Variants in USP42 observed in about 807,000 individuals in gnomAD.
USP42 encodes the protein ubiquitin specific peptidase 42.
USP42 carries 23 observed loss-of-function variants against 113.0 expected under a neutral mutation model. That is an observed-to-expected ratio of 0.20 (90% confidence interval 0.15 to 0.29). The LOEUF (loss-of-function observed/expected upper bound fraction) is 0.29. Among genes scored for constraint, USP42 ranks in the 10% least tolerant of loss-of-function variants. The pLI is 1.00. For missense variants in USP42, 2,174 were observed against 1,779.8 expected (o/e 1.22, Z -3.99); for synonymous variants, 933 against 699.0 (o/e 1.33, Z -5.28).
chr7:6,095,225 G>A, the USP42 span, among the ~76,000 whole-genome samples: 1 of 151,308 alleles, frequency 6.6e-6, no homozygotes, highest in African/African-American at 2.5e-5. Flanking sequence ...TGAGGGATGT[G>A]GGTCAGGACC....
intron 1 of USP42, among the ~76,000 whole-genome samples, chr7:6,109,349 T>C (rs549684939): frequency 2.9e-4 from 44 of 152,306 alleles, no homozygotes; most frequent in African/African-American, 1.0e-3. Context: ...GATGTTGTGC[T>C]GTGGGCAGTT....
chr7:6,136,523 A>G (rs1057456152), intron 4 of USP42, among the ~76,000 whole-genome samples: 2 of 152,206 alleles, frequency 1.3e-5, no homozygotes, highest in African/African-American at 4.8e-5. Flanking sequence ...TTAAAAATCA[A>G]TATGTTAAAA....
upstream of USP42, among the ~76,000 whole-genome samples, chr7:6,104,044 T>C (rs1016346228): frequency 1.4e-4 from 21 of 151,070 alleles, no homozygotes; most frequent in Non-Finnish European, 2.2e-4. Context: ...GGTCGTGAAA[T>C]TGCACTCCAG....
At chr7:6,152,246 G>C (rs1482823106) in intron 14 of USP42, among the ~76,000 whole-genome samples, 1 of 152,190 alleles carries the variant, frequency 6.6e-6, no homozygotes, top group African/African-American at 2.4e-5. Flanking sequence ...CACCATACTC[G>C]GTGCCAGGCG....
chr7:6,119,634 A>C (rs2128484634), intron 3 of USP42, among the ~76,000 whole-genome samples: 1 of 152,290 alleles, frequency 6.6e-6, no homozygotes, highest in East Asian at 1.9e-4. Flanking sequence ...TTGACACCTA[A>C]ACAGTATTAT....
chr7:6,147,523 A>G (rs1286851862), intron 11 of USP42, among the ~76,000 whole-genome samples: 1 of 152,234 alleles, frequency 6.6e-6, no homozygotes, highest in Non-Finnish European at 1.5e-5. Flanking sequence ...AGTTTAAAGA[A>G]CGTCATTTAC....
intron 3 of USP42, among the ~76,000 whole-genome samples, chr7:6,126,506 C>T (rs1011610518): frequency 2.6e-5 from 4 of 152,126 alleles, no homozygotes; most frequent in Non-Finnish European, 4.4e-5. Context: ...AGGATGGTCT[C>T]TATCTCCTGA....
intron 3 of USP42, among the ~76,000 whole-genome samples, chr7:6,129,589 G>C (rs891682616): frequency 6.7e-6 from 1 of 150,136 alleles, no homozygotes; most frequent in African/African-American, 2.4e-5. Context: ...GACGAGGCGC[G>C]GTGGCTCATG....
intron 3 of USP42, among the ~76,000 whole-genome samples, chr7:6,124,550 C>T (rs1393825019): frequency 6.6e-6 from 1 of 152,148 alleles, no homozygotes; most frequent in East Asian, 1.9e-4. Flanking sequence ...AGGAGTGAGC[C>T]CCCGTGCCCA....
At chr7:6,143,689 C>T (rs891252173) in intron 8 of USP42, among the ~76,000 whole-genome samples, 2 of 151,692 alleles carry the variant, frequency 1.3e-5, no homozygotes, top group African/African-American at 4.8e-5. Context: ...CTGGTTAGGG[C>T]TCTCTTTTCA....
Position 6,150,328 on chromosome 7 carries a change from C to G in USP42, c.2106+26C>G, listed in dbSNP as rs898272188. 1.9e-6 allele frequency: 3 copies of G among 1,611,270 alleles called. No homozygotes were observed. In the African/African-American group the frequency reaches 4.0e-5, roughly 22 times the overall value. On this transcript the variant is annotated intron_variant, in intron 13 of 17. Transcript: ENST00000306177. ...GTGAGTGCACGTCAGGGTCTTCAGC[C>G]TCGTTTGTGGCGGTTCCCTTGGCTG... is the stretch of plus-strand genomic sequence containing the variant.
intron 3 of USP42, among the ~76,000 whole-genome samples, chr7:6,133,216 G>A (rs181496799): frequency 1.3e-5 from 2 of 152,266 alleles, no homozygotes; most frequent in East Asian, 1.9e-4. Flanking sequence ...GTCAGGGTAC[G>A]AAACCATGCC....
At chr7:6,124,755 C>G (rs1415146831) in intron 3 of USP42, among the ~76,000 whole-genome samples, 1 of 151,738 alleles carries the variant, frequency 6.6e-6, no homozygotes, top group Non-Finnish European at 1.5e-5. Flanking sequence ...CTTTTAAAAT[C>G]TTTTTCCTGC....
In USP42 at chr7:6,159,738, G is replaced by A. The variant is rs191739123; in HGVS notation, c.*36+245G>A. Among the ~76,000 whole-genome samples, 121 of 152,366 alleles carry A rather than the reference G, an allele frequency of 7.9e-4. No individual in the cohort carries two copies. The highest frequency in any genetic ancestry group is 2.8e-3 in the African/African-American group (115 of 41,594). Reference sequence around the variant, plus strand: ...GGGAAGACCCGCATCCTTCACGCAGGCAGAGTCGCCCTGTTCCCTTGTGCC... The same window carrying A: ...GGGAAGACCCGCATCCTTCACGCAGACAGAGTCGCCCTGTTCCCTTGTGCC... On this transcript the variant is annotated intron_variant, in intron 17 of 17. Transcript: ENST00000306177. The surrounding 1 kb of genome is among the most constrained non-coding windows in gnomAD (Gnocchi z 4.1).
chr7:6,117,622 C>A lies in USP42; in HGVS notation c.442+2099C>A, dbSNP rs1194728744. Among the ~76,000 whole-genome samples, 3 of 152,196 alleles carry A rather than the reference C, an allele frequency of 2.0e-5. No individual in the cohort carries two copies. In the East Asian group the frequency reaches 5.8e-4, roughly 29 times the overall value. ...TTTAACATTTTAAGAGACTTCCAGA[C>A]TTTCCAGAAGGGATTGCAGTGTTTT... On this transcript the variant is annotated intron_variant, in intron 3 of 17. Transcript: ENST00000306177.
intron 3 of USP42, among the ~76,000 whole-genome samples, chr7:6,130,138 C>G (rs1780772140): frequency 6.6e-6 from 1 of 152,064 alleles, no homozygotes; most frequent in Admixed American, 6.6e-5. Context: ...GGCATGAGCC[C>G]CCGCGCCTGG....
At chr7:6,097,581 A>C in the USP42 span, among the ~76,000 whole-genome samples, 4 of 147,098 alleles carry the variant, frequency 2.7e-5, no homozygotes, top group East Asian at 2.0e-4. Context: ...CATGTGGGTT[A>C]TTTCTTTTTC....
chr7:6,153,302 CAA>C (rs72036975), intron 14 of USP42, among the ~76,000 whole-genome samples: 1 of 133,152 alleles, frequency 7.5e-6, no homozygotes, highest in African/African-American at 2.7e-5. Context: ...TGAAACAAAA[CAA>C]AAAAAAAAAA....
rs1303675761 is a variant in USP42, at chr7:6,140,277, TAGGA to T, written c.724+92_724+95del. On this transcript the variant is annotated intron_variant, in intron 6 of 17. Coordinates refer to ENST00000306177, the MANE Select transcript of USP42 (RefSeq NM_032172.3). ...AATAGTAGGACAGGGTTAGTCCTAC[TAGGA>T]AGGAAGGAAAAGTGCTTCTCTCCAG... 2.3e-6 allele frequency: 3 copies of T among 1,308,382 alleles called. No homozygotes were observed. The African/African-American group carries it at 4.4e-5, about 19-fold the overall frequency. The allele number at this position is 1,308,382 out of a possible 1,614,324, so 81.0% of individuals were successfully genotyped here.
Sources: allele counts gnomAD v4.1 joint callset (sites outside exome capture counted in the v4.1 genomes callset), GRCh38; gene constraint gnomAD v4.1.1; non-coding constraint Gnocchi (gnomAD v3.1); transcripts MANE v1.5; gene names NCBI Gene and HGNC (gene_info 2026-07-23, HGNC 2026-07-21).